The following PLEKHH1 variants were observed in gnomAD, a reference collection of about 807,000 sequenced individuals.
The protein encoded by PLEKHH1 is pleckstrin homology, MyTH4 and FERM domain containing H1.
A neutral mutation model predicts 160.0 loss-of-function variants in PLEKHH1; 104 were observed. The observed-to-expected ratio is 0.65, with a 90% CI of 0.55 to 0.76. The LOEUF is 0.76. PLEKHH1 is among the 30% of genes least tolerant of loss of function. The pLI is 0.00. For synonymous variants in PLEKHH1, 619 were observed against 678.4 expected, an observed-to-expected ratio of 0.91 and a Z score of 1.36; for missense variants, 1,427 against 1,724.1, an observed-to-expected ratio of 0.83 and a Z score of 3.05.
intron 18 of PLEKHH1, 111 bp downstream of exon 18, chr14:67,577,525 G>T: frequency 1.4e-6 from 1 of 708,862 alleles, no homozygotes; most frequent in South Asian, 1.6e-5. Context: ...GGAAGGGAAG[G>T]AAACTTCCCA....
In PLEKHH1 at chr14:67,552,636, G is replaced by A. The variant is rs1361852217; in HGVS notation, c.127-3189G>A. 4.1e-5 allele frequency among the ~76,000 whole-genome samples: 6 copies of A among 147,384 alleles called. No homozygotes were observed. The East Asian group carries it at 8.3e-4, about 20-fold the overall frequency. On this transcript the variant is annotated intron_variant, in intron 2 of 28. Coordinates refer to ENST00000329153, the MANE Select transcript of PLEKHH1 (RefSeq NM_020715.3). Reference sequence around the variant, plus strand: ...TAAAAAATTAGCTGGGCGTGGTGGCGGGTGCCTGTAGTCCCAGCTACTCGG... The same window carrying A: ...TAAAAAATTAGCTGGGCGTGGTGGCAGGTGCCTGTAGTCCCAGCTACTCGG...
chr14:67,577,107 A>C (rs2035654539), intron 17 of PLEKHH1, among the ~76,000 whole-genome samples, 195 bp from the exon 18 acceptor site: 2 of 152,214 alleles, frequency 1.3e-5, no homozygotes, highest in South Asian at 4.1e-4. Flanking sequence ...GAGAAAGGCC[A>C]TGCTTATATG....
At chr14:67,553,929 T>A (rs2034494372) in intron 2 of PLEKHH1, among the ~76,000 whole-genome samples, 1 of 152,196 alleles carries the variant, frequency 6.6e-6, no homozygotes, top group Non-Finnish European at 1.5e-5. Context: ...AGAAGGGATG[T>A]GGGTATCCTT....
chr14:67,554,069 G>A (rs2140379900), intron 2 of PLEKHH1, among the ~76,000 whole-genome samples: 1 of 152,254 alleles, frequency 6.6e-6, no homozygotes, highest in South Asian at 2.1e-4. Flanking sequence ...CTAACTCTCT[G>A]TCCAAGGGAA....
Position 67,589,277 on chromosome 14 carries a change from C to CTT in PLEKHH1, c.*2043_*2044dup, listed in dbSNP as rs146222226. 9.6e-3 allele frequency: 8,544 copies of CTT among 888,120 alleles called. 44 individuals are homozygous for CTT. Among genetic ancestry groups the CTT allele is most frequent in the Non-Finnish European group, 0.011 (7,826 of 741,310 alleles). The allele number at this position is 888,120 out of a possible 1,614,324, so 55.0% of individuals were successfully genotyped here. On this transcript the variant is annotated 3_prime_UTR_variant, in exon 29 of 29. Coordinates refer to ENST00000329153, the MANE Select transcript of PLEKHH1 (RefSeq NM_020715.3). ...TTCAGGAACCCTTTAGTTTATTAAT[C>CTT]TTATACAGAAGAAACTAACTTAGAA...
intron 28 of PLEKHH1, chr14:67,586,815 A>T: frequency 6.9e-7 from 1 of 1,452,234 alleles, no homozygotes; most frequent in Non-Finnish European, 9.1e-7. Flanking sequence ...TGTAGAGCTA[A>T]CCAGAGCAGA....
rs1432089394 is a variant in PLEKHH1 at position 67,563,614 on chromosome 14, G to C, written c.1263+720G>C. 2.0e-5 allele frequency among the ~76,000 whole-genome samples: 3 copies of C among 150,212 alleles called. No individual in the cohort carries two copies. The East Asian group carries it at 6.0e-4, about 30-fold the overall frequency. ...ACGCCCAGCTAATTTTGTATTTTTA[G>C]TAGAGGCAGGGTTTCACCATGTTGG... On this transcript the variant is annotated intron_variant, in intron 7 of 28. Coordinates refer to ENST00000329153, the MANE Select transcript of PLEKHH1 (RefSeq NM_020715.3).
Position 67,574,363 on chromosome 14 carries a change from G to A in PLEKHH1, c.2048G>A (p.Arg683Gln), listed in dbSNP as rs760382614. Residue 683 changes from arginine to glutamine, a missense_variant, in exon 14 of 29, where the codon CGG becomes CAG. Physicochemically the swap from Arg to Gln is conservative, Grantham distance 43. Coordinates refer to ENST00000329153, the MANE Select transcript of PLEKHH1 (RefSeq NM_020715.3). The surrounding 1 kb of genome is among the most constrained non-coding windows in gnomAD (Gnocchi z 4.2). The part of the protein sequence containing the change: ...VQATGPPALL[R>Q]GGTKPTVKGW... ...GCCACCGGGCCTCCAGCTCTGCTTCGGGGTGGCACCAAGCCCACCGTGAAG... is the reference window on the plus strand; with the variant it reads ...GCCACCGGGCCTCCAGCTCTGCTTCAGGGTGGCACCAAGCCCACCGTGAAG... 15 of 1,592,798 alleles carry A rather than the reference G, an allele frequency of 9.4e-6. No homozygotes were observed. Among genetic ancestry groups the A allele is most frequent in the East Asian group, 9.1e-5 (4 of 43,930 alleles).
chr14:67,573,312 G>T lies in PLEKHH1; in HGVS notation c.1765G>T (p.Gly589Trp). 6.2e-7 allele frequency: 1 copy of T among 1,613,700 alleles called. No individual in the cohort carries two copies. The highest frequency in any genetic ancestry group is 8.5e-7 in the Non-Finnish European group (1 of 1,179,718). ...LEKSGYLLKM[G>W]SQVKTWKRRW... ...GAAGTCGGGCTACCTGCTGAAAATGGGGAGCCAGGTGAAGACGTGGAAGAG... is the reference window on the plus strand; with the variant it reads ...GAAGTCGGGCTACCTGCTGAAAATGTGGAGCCAGGTGAAGACGTGGAAGAG... The change falls in exon 12 of 29, where the codon GGG (glycine) becomes TGG (tryptophan). Residue 589 changes from glycine (G) to tryptophan (W), a missense_variant. By Grantham distance (184) the Gly-to-Trp change is radical. Coordinates refer to ENST00000329153, the MANE Select transcript of PLEKHH1 (RefSeq NM_020715.3). The surrounding 1 kb of genome is among the most constrained non-coding windows in gnomAD (Gnocchi z 4.8).
At chr14:67,535,412 G>A (rs913074905) in intron 1 of PLEKHH1, among the ~76,000 whole-genome samples, 5 of 112,708 alleles carry the variant, frequency 4.4e-5, no homozygotes, top group Non-Finnish European at 6.5e-5. Flanking sequence ...CCAGAGTCTC[G>A]CTCTGTTGCC....
chr14:67,557,173 C>T, intron 3 of PLEKHH1, 96 bp from the exon 4 acceptor site: 1 of 971,924 alleles, frequency 1.0e-6, no homozygotes, highest in East Asian at 2.5e-5. Context: ...GGAGTCACAG[C>T]CTGGGGCATC....
At chr14:67,552,193 C>T (rs149481072) in intron 2 of PLEKHH1, among the ~76,000 whole-genome samples, 12 of 152,302 alleles carry the variant, frequency 7.9e-5, no homozygotes, top group Admixed American at 7.8e-4. Flanking sequence ...AAACCTGACA[C>T]CTCCTTGGCT....
In PLEKHH1 at chr14:67,562,543, T is replaced by C. The variant is rs1466518215; in HGVS notation, c.912T>C (p.Gly304=). The C allele has an allele frequency of 6.2e-7, 1 of 1,608,878 alleles. No individual in the cohort carries two copies. Among genetic ancestry groups the C allele is most frequent in the Non-Finnish European group, 8.5e-7 (1 of 1,175,810 alleles). ...LPGTKTSARE[G]GPGSSLTLPK... is the part of the protein sequence containing the mutation. Reference sequence around the variant, plus strand: ...GGACAAAGACCTCTGCCAGGGAAGGTGGTCCTGGCAGCAGTCTGACCCTAC... The same window carrying C: ...GGACAAAGACCTCTGCCAGGGAAGGCGGTCCTGGCAGCAGTCTGACCCTAC... The change falls in exon 7 of 29, where the codon GGT becomes GGC. Residue 304 remains glycine (G), a synonymous_variant. Coordinates refer to ENST00000329153, the MANE Select transcript of PLEKHH1 (RefSeq NM_020715.3).
intron 2 of PLEKHH1, among the ~76,000 whole-genome samples, chr14:67,550,156 G>C (rs1471830487): frequency 1.4e-5 from 1 of 69,264 alleles, no homozygotes; most frequent in Non-Finnish European, 3.4e-5. Flanking sequence ...AAGATCTGTT[G>C]CTAAAAAAAA....
At chr14:67,553,758 CTGTG>C (rs1241663463) in intron 2 of PLEKHH1, among the ~76,000 whole-genome samples, 1 of 152,212 alleles carries the variant, frequency 6.6e-6, no homozygotes, top group African/African-American at 2.4e-5. Context: ...TGCATGGCAA[CTGTG>C]TGAAGGTCAA....
At chr14:67,535,363 A>G (rs1414404211) in intron 1 of PLEKHH1, among the ~76,000 whole-genome samples, 1 of 139,166 alleles carries the variant, frequency 7.2e-6, no homozygotes, top group Non-Finnish European at 1.5e-5. Flanking sequence ...TCTGGTAGTG[A>G]GCACATCTTT....
rs2033534836 is a variant in PLEKHH1, at chr14:67,533,323, A to C, written c.-110A>C. ...CCCGGGACTCCGGCGAGAGCGACGC[A>C]AGGTCGGCTGCGGCGGCGGCCCGAG... On this transcript the variant is annotated 5_prime_UTR_variant, in exon 1 of 29. Transcript: ENST00000329153. The C allele has an allele frequency of 6.6e-6, 1 of 151,506 alleles. No homozygotes were observed. The highest frequency in any genetic ancestry group is 2.1e-4 in the South Asian group (1 of 4,832). The allele number at this position is 151,506 out of a possible 1,614,324, so 9.4% of individuals were successfully genotyped here. A position where few individuals can be genotyped will look rare whatever the true frequency, so the allele number is the denominator to read the frequency against.
chr14:67,573,173 T>G lies in PLEKHH1; in HGVS notation c.1729-103T>G, dbSNP rs2035466360. 2.9e-6 allele frequency: 2 copies of G among 699,184 alleles called. No homozygotes were observed. The highest frequency in any genetic ancestry group is 3.5e-5 in the African/African-American group (2 of 56,890). The allele number at this position is 699,184 out of a possible 1,614,324, so 43.3% of individuals were successfully genotyped here. On this transcript the variant is annotated intron_variant, in intron 11 of 28. Transcript: ENST00000329153. This position sits in a 1 kb window ranked among gnomAD's most constrained non-coding sequence, Gnocchi z 4.8. ...AGGTACTCAATAATTTTGTATTTAA[T>G]TGATGACCGAGTAGTGAGGCAGCTG...
At position 67,569,952 on chromosome 14, in the gene PLEKHH1, G is replaced by T. The variant is rs2035291813; in HGVS notation, c.1374G>T (p.Gly458=). The change falls in exon 9 of 29, where the codon GGG becomes GGT. Residue 458 remains glycine (G), a synonymous_variant. Coordinates refer to ENST00000329153, the MANE Select transcript of PLEKHH1 (RefSeq NM_020715.3). ...ASSPPALVSP[G]SFSGLVYKNV... The stretch of plus-strand genomic sequence containing the variant: ...GCCCTCCTGCCCTTGTTTCCCCTGG[G>T]TCTTTCTCTGGCCTGGTCTACAAGA... 6.2e-7 allele frequency: 1 copy of T among 1,610,264 alleles called. No homozygotes were observed. The highest frequency in any genetic ancestry group is 1.3e-5 in the African/African-American group (1 of 74,976).
Sources: gnomAD v4.1 joint callset for allele counts (sites outside exome capture counted in the v4.1 genomes callset) on GRCh38, gnomAD v4.1.1 for gene constraint, Gnocchi (gnomAD v3.1) non-coding constraint, MANE v1.5 for transcripts, NCBI Gene and HGNC (gene_info 2026-07-23, HGNC 2026-07-21) for gene names.